Variants in HECW1 observed in about 807,000 individuals in gnomAD.
The protein encoded by HECW1 is E3 ubiquitin-protein ligase HECW1.
A neutral mutation model predicts 182.3 loss-of-function variants in HECW1; 61 were observed. That is an observed-to-expected ratio of 0.33 (90% CI 0.27 to 0.41). The LOEUF is 0.41. Among genes scored for constraint, HECW1 ranks in the 10% least tolerant of loss-of-function variants. The pLI is 1.00. For missense variants in HECW1, 1,739 were observed against 2,108.9 expected, an observed-to-expected ratio of 0.82 and a Z score of 3.44; for synonymous variants, 859 against 832.6, an observed-to-expected ratio of 1.03 and a Z score of -0.55.
At chr7:43,214,294 T>C (rs907265873) in intron 2 of HECW1, among the ~76,000 whole-genome samples, 1 of 151,892 alleles carries the variant, frequency 6.6e-6, no homozygotes, top group African/African-American at 2.4e-5. Flanking sequence ...TGAAAGGAGA[T>C]TGTAACTGTC....
chr7:43,478,130 T>C (rs1255379156), intron 16 of HECW1, among the ~76,000 whole-genome samples: 1 of 152,092 alleles, frequency 6.6e-6, no homozygotes, highest in Non-Finnish European at 1.5e-5. Flanking sequence ...TATTCGAGAG[T>C]GTTCGGCCAG....
intron 6 of HECW1, among the ~76,000 whole-genome samples, chr7:43,376,739 G>A (rs13231695): frequency 0.036 from 5,459 of 152,020 alleles, 114 homozygotes; most frequent in Middle Eastern, 0.041. Context: ...GGTGGCAGGC[G>A]TCTGTAATCC....
At position 43,392,863 on chromosome 7, in the gene HECW1, G is replaced by A. The variant is rs187955608; in HGVS notation, c.556-3951G>A. On this transcript the variant is annotated intron_variant, in intron 6 of 29. Transcript: ENST00000395891. ...GCTGAAACAGAAGATCCCCTGCCAG[G>A]GTGAAAAGAGCTGATCTTCACACTC... Among the ~76,000 whole-genome samples, 14 of 152,252 alleles carry A rather than the reference G, an allele frequency of 9.2e-5. No individual in the cohort carries two copies. In the East Asian group the frequency reaches 2.5e-3, roughly 27 times the overall value.
At chr7:43,376,016 T>C (rs1161119065) in intron 6 of HECW1, among the ~76,000 whole-genome samples, 2 of 150,244 alleles carry the variant, frequency 1.3e-5, no homozygotes, top group African/African-American at 4.9e-5. Flanking sequence ...CATATATATA[T>C]ATATGAAATA....
At chr7:43,320,833 C>T (rs1384871851) in intron 5 of HECW1, 91 bp downstream of exon 5, 1 of 912,464 alleles carries the variant, frequency 1.1e-6, no homozygotes, top group Non-Finnish European at 1.8e-6. Context: ...ACTGCCTCCA[C>T]TAAGAAATGG....
Position 43,531,811 on chromosome 7 carries a change from A to G in HECW1, c.4020-9352A>G, listed in dbSNP as rs898644258. On this transcript the variant is annotated intron_variant, in intron 24 of 29. Coordinates refer to ENST00000395891, the MANE Select transcript of HECW1 (RefSeq NM_015052.5). ...CCAGCCTCGCCACCTGTTCTTTCTC[A>G]TGTACTTTATTGTTGCCTCTCATCT... Among the ~76,000 whole-genome samples, 7 of 152,000 alleles carry G rather than the reference A, an allele frequency of 4.6e-5. No homozygotes were observed. In the South Asian group the frequency reaches 1.0e-3, roughly 23 times the overall value.
intron 2 of HECW1, among the ~76,000 whole-genome samples, chr7:43,177,782 C>G (rs1329294819): frequency 6.6e-6 from 1 of 152,184 alleles, no homozygotes; most frequent in Non-Finnish European, 1.5e-5. Context: ...GGCACCCTTC[C>G]TCCCATCTCA....
intron 5 of HECW1, among the ~76,000 whole-genome samples, chr7:43,331,412 A>G (rs1040714887): frequency 4.6e-5 from 7 of 151,836 alleles, no homozygotes; most frequent in Non-Finnish European, 8.8e-5. Flanking sequence ...AACATGGTGA[A>G]ACCCCATCTC....
intron 5 of HECW1, among the ~76,000 whole-genome samples, chr7:43,355,267 G>A (rs908180395): frequency 4.6e-5 from 7 of 152,118 alleles, no homozygotes; most frequent in African/African-American, 1.4e-4. Context: ...AATTAAGTAC[G>A]CAGACAAACC....
intron 2 of HECW1, among the ~76,000 whole-genome samples, chr7:43,136,441 A>T (rs949005840): frequency 6.6e-6 from 1 of 152,140 alleles, no homozygotes; most frequent in African/African-American, 2.4e-5. Flanking sequence ...CTGAGAGCAC[A>T]CTCCTTCCTC....
intron 3 of HECW1, among the ~76,000 whole-genome samples, chr7:43,282,490 C>T (rs937909752): frequency 2.0e-5 from 3 of 152,204 alleles, no homozygotes; most frequent in African/African-American, 7.2e-5. Context: ...TCTCAAATCC[C>T]ACTACATGCC....
At chr7:43,389,651 GT>G (rs1271835614) in intron 6 of HECW1, among the ~76,000 whole-genome samples, 1 of 151,994 alleles carries the variant, frequency 6.6e-6, no homozygotes, top group African/African-American at 2.4e-5. Flanking sequence ...TGTTGTCGTT[GT>G]TTTAAAGAGA....
intron 24 of HECW1, among the ~76,000 whole-genome samples, chr7:43,521,752 G>A (rs953545511): frequency 2.6e-5 from 4 of 152,222 alleles, no homozygotes; most frequent in African/African-American, 4.8e-5. Flanking sequence ...GCACATGTCT[G>A]TAATCCCAGC....
chr7:43,173,376 G>T (rs943022612), intron 2 of HECW1, among the ~76,000 whole-genome samples: 2 of 152,204 alleles, frequency 1.3e-5, no homozygotes, highest in Non-Finnish European at 2.9e-5. Context: ...GTGACCATGT[G>T]TTGCCTCCAG....
At chr7:43,403,127 T>C (rs918922647) in intron 7 of HECW1, among the ~76,000 whole-genome samples, 1 of 152,210 alleles carries the variant, frequency 6.6e-6, no homozygotes. Flanking sequence ...TTTTCATAAG[T>C]TCTTGGCTGA....
intron 23 of HECW1, 45 bp from the exon 24 acceptor site, chr7:43,508,924 C>G: frequency 1.9e-6 from 3 of 1,602,752 alleles, no homozygotes; most frequent in Non-Finnish European, 1.7e-6. Flanking sequence ...GTCCCCCCAC[C>G]TCCGGGCACA....
intron 3 of HECW1, among the ~76,000 whole-genome samples, chr7:43,275,692 CTGT>C (rs1455120023): frequency 6.6e-6 from 1 of 151,866 alleles, no homozygotes; most frequent in Admixed American, 6.6e-5. Context: ...ACCAAGTAGT[CTGT>C]TCTTATGCGC....
chr7:43,423,037 C>T (rs1384888969), intron 8 of HECW1, among the ~76,000 whole-genome samples: 1 of 152,192 alleles, frequency 6.6e-6, no homozygotes, highest in African/African-American at 2.4e-5. Flanking sequence ...AGATCATTCA[C>T]TTCAGTCCTG....
In HECW1 at chr7:43,501,270, G is replaced by C; in HGVS notation, c.3579G>C (p.Gly1193=). The C allele has an allele frequency of 6.2e-7, 1 of 1,610,030 alleles. No homozygotes were observed. Among genetic ancestry groups the C allele is most frequent in the Non-Finnish European group, 8.5e-7 (1 of 1,178,104 alleles). ...CCCTGCAGGCTGCCTTCCACCCTGG[G>C]TATAGCTTCTCTCCCCGATGTTCAC... ...YVPLQAAFHP[G]YSFSPRCSPC... is the part of the protein sequence containing the mutation. The change falls in exon 21 of 30, where the codon GGG becomes GGC. Residue 1193 remains glycine, a synonymous_variant. Coordinates refer to ENST00000395891, the MANE Select transcript of HECW1 (RefSeq NM_015052.5).
Sources: gnomAD v4.1 joint callset for allele counts (sites outside exome capture counted in the v4.1 genomes callset) on GRCh38, gnomAD v4.1.1 for gene constraint, MANE v1.5 for transcripts, NCBI Gene and HGNC (gene_info 2026-07-23, HGNC 2026-07-21) for gene names.